The following UTS2 variants were observed in gnomAD, a reference collection of about 807,000 sequenced individuals.
UTS2 encodes urotensin 2, also known as urotensin-2.
UTS2 carries 10 observed loss-of-function variants against 12.6 expected under a neutral mutation model. The ratio of observed to expected loss-of-function variants is 0.80; its 90% CI spans 0.49 to 1.35. The LOEUF is 1.35. UTS2 is among the 40% of genes most tolerant of loss of function. UTS2 has a pLI of 0.00. For synonymous variants in UTS2, 52 were observed against 50.0 expected, an observed-to-expected ratio of 1.04 and a Z score of -0.17; for missense variants, 142 against 143.2, an observed-to-expected ratio of 0.99 and a Z score of 0.04.
chr1:7,877,556 G>C, the UTS2 span, among the ~76,000 whole-genome samples: 1 of 152,274 alleles, frequency 6.6e-6, no homozygotes, highest in African/African-American at 2.4e-5. Context: ...ATGGACAAAG[G>C]TATAGAAAAT....
At chr1:7,874,832 T>G in the UTS2 span, among the ~76,000 whole-genome samples, 1 of 152,200 alleles carries the variant, frequency 6.6e-6, no homozygotes, top group Non-Finnish European at 1.5e-5. Flanking sequence ...GTTCTCATGA[T>G]AGTGAGTAAA....
Position 7,847,657 on chromosome 1 carries a change from G to T in UTS2, c.*109C>A, listed in dbSNP as rs2097409087. 1.2e-6 allele frequency: 1 copy of T among 815,976 alleles called. No individual in the cohort carries two copies. The highest frequency in any genetic ancestry group is 2.0e-6 in the Non-Finnish European group (1 of 492,758). The allele number at this position is 815,976 out of a possible 1,614,324, so 50.5% of individuals were successfully genotyped here. A position where few individuals can be genotyped will look rare whatever the true frequency, so the allele number is the denominator to read the frequency against. ...TATTTTCCAGGTAACAATGAACAGG[G>T]TGTAGTTTGCCTAGTTTTTCTCCAC... On this transcript the variant is annotated 3_prime_UTR_variant, in exon 4 of 4. Transcript: ENST00000361696.
chr1:7,881,382 G>C, the UTS2 span, among the ~76,000 whole-genome samples: 1 of 152,082 alleles, frequency 6.6e-6, no homozygotes, highest in African/African-American at 2.4e-5. Context: ...ATTGTACATA[G>C]AGAAAATCTA....
chr1:7,855,016 C>A (rs1638278214), upstream of UTS2, among the ~76,000 whole-genome samples: 2 of 152,008 alleles, frequency 1.3e-5, no homozygotes, highest in Admixed American at 6.5e-5. Flanking sequence ...CAAAAATTAG[C>A]TGGGCGTGGT....
At chr1:7,910,977 G>A in the UTS2 span, among the ~76,000 whole-genome samples, 1 of 150,634 alleles carries the variant, frequency 6.6e-6, no homozygotes, top group Non-Finnish European at 1.5e-5. Context: ...AGTCGTGAAT[G>A]CCTGGGCTCA....
the UTS2 span, among the ~76,000 whole-genome samples, chr1:7,911,710 T>C: frequency 6.6e-5 from 10 of 152,138 alleles, no homozygotes; most frequent in East Asian, 1.9e-3. Flanking sequence ...GAGACCAGCC[T>C]GGCCAACATG....
At chr1:7,907,466 C>A in the UTS2 span, among the ~76,000 whole-genome samples, 1 of 151,632 alleles carries the variant, frequency 6.6e-6, no homozygotes, top group African/African-American at 2.4e-5. Context: ...GGCATCATAG[C>A]AAGACTTCAT....
the UTS2 span, among the ~76,000 whole-genome samples, chr1:7,862,515 TGGC>T: frequency 6.6e-6 from 1 of 152,132 alleles, no homozygotes. Context: ...GAGTCTTATT[TGGC>T]TCACAGTTCT....
At chr1:7,855,990 A>G (rs1021104580), upstream of UTS2, among the ~76,000 whole-genome samples, 3 of 151,314 alleles carry the variant, frequency 2.0e-5, no homozygotes, top group South Asian at 4.2e-4. Flanking sequence ...GCAAACCACC[A>G]TGCATGGCTT....
At chr1:7,860,323 A>G in the UTS2 span, among the ~76,000 whole-genome samples, 1 of 152,132 alleles carries the variant, frequency 6.6e-6, no homozygotes, top group Non-Finnish European at 1.5e-5. Flanking sequence ...AAGAGCCTCC[A>G]GGCAGATGGA....
the UTS2 span, among the ~76,000 whole-genome samples, chr1:7,892,344 G>C: frequency 0.26 from 40,192 of 151,782 alleles, 6,234 homozygotes; most frequent in Non-Finnish European, 0.34. Context: ...CAGTGTTCTT[G>C]CCTTTTCCAG....
the UTS2 span, among the ~76,000 whole-genome samples, chr1:7,900,371 C>A: frequency 6.6e-6 from 1 of 151,958 alleles, no homozygotes; most frequent in Non-Finnish European, 1.5e-5. Flanking sequence ...CACACTTGGC[C>A]TGGCGACAGA....
At chr1:7,894,709 C>T in the UTS2 span, among the ~76,000 whole-genome samples, 1 of 152,120 alleles carries the variant, frequency 6.6e-6, no homozygotes, top group Non-Finnish European at 1.5e-5. Context: ...TGGCCGGGCG[C>T]GGTGGCTCAC....
At chr1:7,871,656 C>G in the UTS2 span, among the ~76,000 whole-genome samples, 5 of 152,046 alleles carry the variant, frequency 3.3e-5, no homozygotes, top group Non-Finnish European at 5.9e-5. Context: ...GGCATGTGCT[C>G]ACTTTGAGTC....
chr1:7,876,337 T>C, the UTS2 span, among the ~76,000 whole-genome samples: 709 of 152,238 alleles, frequency 4.7e-3, 5 homozygotes, highest in African/African-American at 0.016. Context: ...AATTGACCCA[T>C]CCCACTTGCT....
At chr1:7,906,885 C>T in the UTS2 span, among the ~76,000 whole-genome samples, 7 of 152,168 alleles carry the variant, frequency 4.6e-5, no homozygotes, top group African/African-American at 1.7e-4. Flanking sequence ...TATCTATAAA[C>T]ATCCCATCAT....
chr1:7,866,734 C>T, the UTS2 span, among the ~76,000 whole-genome samples: 39,353 of 152,036 alleles, frequency 0.26, 5,805 homozygotes, highest in East Asian at 0.49. The surrounding 1 kb of genome is among the most constrained non-coding windows in gnomAD (Gnocchi z 4.5). Flanking sequence ...TGTGTGATGC[C>T]AGTGCTGGTG....
the UTS2 span, among the ~76,000 whole-genome samples, chr1:7,912,556 T>C: frequency 6.6e-6 from 1 of 152,158 alleles, no homozygotes; most frequent in African/African-American, 2.4e-5. Flanking sequence ...CAGGTTCAAG[T>C]GATTCTTCTG....
chr1:7,854,603 G>T (rs1353584526), upstream of UTS2, among the ~76,000 whole-genome samples: 1 of 151,618 alleles, frequency 6.6e-6, no homozygotes, highest in Admixed American at 6.6e-5. Context: ...ACAACCTCAG[G>T]TTAGGCAAAT....
Sources: allele counts gnomAD v4.1 joint callset (sites outside exome capture counted in the v4.1 genomes callset), GRCh38; gene constraint gnomAD v4.1.1; non-coding constraint Gnocchi (gnomAD v3.1); transcripts MANE v1.5; gene names NCBI Gene and HGNC (gene_info 2026-07-23, HGNC 2026-07-21).